WDFY3: variants seen among roughly 807,000 people sequenced by gnomAD.
The protein encoded by WDFY3 is WD repeat and FYVE domain containing 3, also known as WD repeat and FYVE domain-containing protein 3.
Under a neutral mutation model 409.6 loss-of-function variants are expected in WDFY3, and 66 were observed. The ratio of observed to expected loss-of-function variants is 0.16; its 90% confidence interval spans 0.13 to 0.20. The LOEUF (loss-of-function observed/expected upper bound fraction) is 0.20. Ranked by LOEUF, WDFY3 falls within the 10% of genes least tolerant of loss-of-function variation. The pLI is 1.00. For synonymous variants in WDFY3, 1,521 were observed against 1,537.1 expected (o/e 0.99, Z 0.25); for missense variants, 3,031 against 4,298.1 (o/e 0.71, Z 8.24).
At chr4:84,725,649 A>C (rs1272415070) in intron 45 of WDFY3, among the ~76,000 whole-genome samples, 1 of 152,146 alleles carries the variant, frequency 6.6e-6, no homozygotes, top group Non-Finnish European at 1.5e-5. Context: ...TCTAAATATG[A>C]CTTTACTTTC....
chr4:84,670,465 A>G lies in WDFY3; in HGVS notation c.*2403T>C, dbSNP rs764759324. ...AAAAGAAAAGAAACCCGATTGAACA[A>G]AACAGTTGCCCACAGCACCAGCTGC... On this transcript the variant is annotated 3_prime_UTR_variant, in exon 68 of 68. Transcript: ENST00000295888. 2.0e-5 allele frequency: 3 copies of G among 152,782 alleles called. No homozygotes were observed. The East Asian group carries it at 5.8e-4, about 29-fold the overall frequency. 9.5% of individuals were successfully genotyped at this position (152,782 alleles called of 1,614,324 possible). A position where few individuals can be genotyped will look rare whatever the true frequency, so the allele number is the denominator to read the frequency against.
intron 3 of WDFY3, among the ~76,000 whole-genome samples, chr4:84,892,424 T>TGC (rs1176502057): frequency 6.6e-5 from 10 of 152,106 alleles, no homozygotes; most frequent in Non-Finnish European, 1.5e-4. Flanking sequence ...TTTTAAAGGT[T>TGC]TTAAAATACT....
chr4:84,720,033 A>G (rs1169307997), intron 47 of WDFY3, among the ~76,000 whole-genome samples: 1 of 152,242 alleles, frequency 6.6e-6, no homozygotes, highest in Non-Finnish European at 1.5e-5. Context: ...GGTGATATTC[A>G]TGACACATTC....
At chr4:84,735,006 T>C (rs776388940) in intron 43 of WDFY3, 37 bp downstream of exon 43, 6 of 1,572,504 alleles carry the variant, frequency 3.8e-6, no homozygotes, top group Non-Finnish European at 5.2e-6. Flanking sequence ...ATACAAAAAA[T>C]GTAAAACAAA....
intron 25 of WDFY3, among the ~76,000 whole-genome samples, chr4:84,781,832 A>C: frequency 6.6e-6 from 1 of 152,238 alleles, no homozygotes; most frequent in African/African-American, 2.4e-5. Flanking sequence ...CGTGCTTTAG[A>C]GTAAAGAAAA....
chr4:84,684,119 T>C lies in WDFY3; in HGVS notation c.9550A>G (p.Ile3184Val), dbSNP rs1404657391. ...ATATATGTGCCAGCGCAGGACACAATGTCCCCCTGAGAAGAGAGAGAAAAA... is the reference window on the plus strand; with the variant it reads ...ATATATGTGCCAGCGCAGGACACAACGTCCCCCTGAGAAGAGAGAGAAAAA... The part of the protein sequence containing the change: ...ALCINELTGD[I>V]VSCAGTYIHV... Residue 3184 changes from isoleucine to valine, a missense_variant, in exon 63 of 68, where the codon ATT (isoleucine) becomes GTT (valine). Around this residue, in one of 16 missense-constraint regions of WDFY3, gnomAD observed 378 missense variants for 477.3 expected, o/e 0.79. Coordinates refer to ENST00000295888, the MANE Select transcript of WDFY3 (RefSeq NM_014991.6). The C allele has an allele frequency of 2.5e-6, 4 of 1,575,134 alleles. No individual in the cohort carries two copies. The highest frequency in any genetic ancestry group is 1.3e-5 in the African/African-American group (1 of 74,320).
At chr4:84,824,115 T>A (rs114198368) in intron 10 of WDFY3, among the ~76,000 whole-genome samples, 2 of 152,112 alleles carry the variant, frequency 1.3e-5, no homozygotes, top group Non-Finnish European at 2.9e-5. Context: ...TGCAATAACA[T>A]AGGTGATTCT....
chr4:84,940,229 T>C (rs1422792919), intron 1 of WDFY3, among the ~76,000 whole-genome samples: 1 of 152,124 alleles, frequency 6.6e-6, no homozygotes, highest in Non-Finnish European at 1.5e-5. Context: ...GTTCAAGAGT[T>C]GCCTGCAACC....
At chr4:84,685,943 A>G (rs1728232720) in intron 62 of WDFY3, among the ~76,000 whole-genome samples, 1 of 152,260 alleles carries the variant, frequency 6.6e-6, no homozygotes, top group Admixed American at 6.5e-5. Flanking sequence ...ACACTGCTGC[A>G]TAAGAGCAGT....
chr4:84,763,171 C>A (rs1298438126), intron 32 of WDFY3, among the ~76,000 whole-genome samples: 1 of 152,032 alleles, frequency 6.6e-6, no homozygotes, highest in Non-Finnish European at 1.5e-5. Flanking sequence ...ATACAAGTTT[C>A]AGCTACATGA....
intron 49 of WDFY3, among the ~76,000 whole-genome samples, chr4:84,716,568 G>A (rs768275315): frequency 1.1e-4 from 17 of 148,442 alleles, no homozygotes; most frequent in East Asian, 6.2e-4. Context: ...AGGCCAAGGC[G>A]GGCGGATCAT....
chr4:84,882,648 C>A (rs1763690646), intron 3 of WDFY3, among the ~76,000 whole-genome samples: 1 of 151,638 alleles, frequency 6.6e-6, no homozygotes. Context: ...ATATGACTAT[C>A]AGGGACACAA....
At chr4:84,837,247 A>G (rs898841536) in intron 6 of WDFY3, among the ~76,000 whole-genome samples, 157 bp from the exon 7 acceptor site, 2 of 152,206 alleles carry the variant, frequency 1.3e-5, no homozygotes, top group Admixed American at 6.5e-5. Flanking sequence ...GAAATATACA[A>G]CTATGCATCT....
chr4:84,716,855 A>T, intron 49 of WDFY3, 41 bp downstream of exon 49: 1 of 1,411,218 alleles, frequency 7.1e-7, no homozygotes. Context: ...CATTTTCAGA[A>T]TAAAGAAACA....
At chr4:84,801,532 A>T in intron 17 of WDFY3, 118 bp downstream of exon 17, 1 of 1,021,260 alleles carries the variant, frequency 9.8e-7, no homozygotes, top group Non-Finnish European at 1.4e-6. Flanking sequence ...CATTTTTGTT[A>T]TATTTTGCCC....
intron 5 of WDFY3, among the ~76,000 whole-genome samples, chr4:84,841,588 G>C (rs1439574670): frequency 6.6e-6 from 1 of 152,106 alleles, no homozygotes. Context: ...AGTGATTAAG[G>C]GTGCAGAGAA....
intron 2 of WDFY3, among the ~76,000 whole-genome samples, chr4:84,915,159 C>T (rs1768314193): frequency 6.6e-6 from 1 of 152,048 alleles, no homozygotes. Context: ...ATAGAGGTGG[C>T]TAGGAGCCAG....
intron 33 of WDFY3, among the ~76,000 whole-genome samples, chr4:84,756,121 GAAGTC>G (rs1396705366): frequency 1.3e-5 from 2 of 152,282 alleles, no homozygotes; most frequent in African/African-American, 2.4e-5. Flanking sequence ...TCTTCAATTA[GAAGTC>G]AAGTAAAGTC....
intron 62 of WDFY3, among the ~76,000 whole-genome samples, chr4:84,686,213 G>A (rs568660196): frequency 2.5e-4 from 38 of 152,234 alleles, no homozygotes; most frequent in African/African-American, 8.2e-4. Context: ...GGCTGAGGCC[G>A]GAGAATGGCG....
Sources: gnomAD v4.1 joint callset for allele counts (sites outside exome capture counted in the v4.1 genomes callset) on GRCh38, gnomAD v4.1.1 for gene constraint, gnomAD v4.1.1 regional missense constraint, MANE v1.5 for transcripts, NCBI Gene and HGNC (gene_info 2026-07-23, HGNC 2026-07-21) for gene names.